The following C1QTNF3 variants were observed in gnomAD, a reference collection of about 807,000 sequenced individuals.
C1QTNF3 encodes the protein complement C1q tumor necrosis factor-related protein 3.
Under a neutral mutation model 32.6 loss-of-function variants are expected in C1QTNF3, and 26 were observed. That is an observed-to-expected ratio of 0.80 (90% CI 0.58 to 1.11). C1QTNF3 has a LOEUF of 1.11. Among genes scored for constraint, C1QTNF3 ranks in the 50% least tolerant of loss-of-function variants. The probability of loss-of-function intolerance (pLI) is 0.00; values close to 1 mark genes in which losing one functional copy is unlikely to be tolerated. For missense variants in C1QTNF3, 362 were observed against 398.2 expected (o/e 0.91, Z 0.77); for synonymous variants, 155 against 146.0 (o/e 1.06, Z -0.44).
chr5:34,125,337 C>A, the C1QTNF3 span, among the ~76,000 whole-genome samples: 2 of 151,418 alleles, frequency 1.3e-5, no homozygotes, highest in Non-Finnish European at 3.0e-5. Flanking sequence ...GAGGTACCTG[C>A]CAAAAGCAGA....
chr5:34,076,485 C>T, the C1QTNF3 span, among the ~76,000 whole-genome samples: 1 of 151,460 alleles, frequency 6.6e-6, no homozygotes, highest in Non-Finnish European at 1.5e-5. Context: ...AGATTACATA[C>T]ACATCTAGTA....
the C1QTNF3 span, among the ~76,000 whole-genome samples, chr5:34,148,044 G>A: frequency 6.6e-6 from 1 of 152,018 alleles, no homozygotes; most frequent in Non-Finnish European, 1.5e-5. Flanking sequence ...CCTCACCTGG[G>A]AAGCGCAAGG....
At chr5:34,154,355 C>T in the C1QTNF3 span, among the ~76,000 whole-genome samples, 1 of 152,036 alleles carries the variant, frequency 6.6e-6, no homozygotes, top group East Asian at 1.9e-4. Flanking sequence ...AATAGGCATT[C>T]GTCCTTTTTT....
the C1QTNF3 span, among the ~76,000 whole-genome samples, chr5:34,175,149 TCCGC>T: frequency 6.7e-6 from 1 of 150,286 alleles, no homozygotes; most frequent in Non-Finnish European, 1.5e-5. Flanking sequence ...GCTCAGGCTA[TCCGC>T]CTGCCTCAGC....
At chr5:34,067,354 T>C in the C1QTNF3 span, among the ~76,000 whole-genome samples, 1 of 152,228 alleles carries the variant, frequency 6.6e-6, no homozygotes, top group African/African-American at 2.4e-5. Context: ...TTTGCTGTAT[T>C]AATCTGTTCT....
the C1QTNF3 span, among the ~76,000 whole-genome samples, chr5:34,220,996 T>G: frequency 6.6e-6 from 1 of 152,116 alleles, no homozygotes; most frequent in African/African-American, 2.4e-5. Flanking sequence ...AGGCAAACTT[T>G]GAAGGAGCTG....
At chr5:34,132,429 GTGTATGTATATATATATATATA>G in the C1QTNF3 span, among the ~76,000 whole-genome samples, 8 of 34,370 alleles carry the variant, frequency 2.3e-4, no homozygotes, top group African/African-American at 6.7e-4. Flanking sequence ...GTATGTGTAT[GTGTATGTATATATATATATATA>G]TATATATATA....
the C1QTNF3 span, among the ~76,000 whole-genome samples, chr5:34,097,250 TG>T: frequency 6.6e-6 from 1 of 152,030 alleles, no homozygotes; most frequent in Non-Finnish European, 1.5e-5. Context: ...CATATTCACT[TG>T]ATGTTTTACT....
At chr5:34,222,846 T>C in the C1QTNF3 span, among the ~76,000 whole-genome samples, 1 of 151,956 alleles carries the variant, frequency 6.6e-6, no homozygotes, top group South Asian at 2.1e-4. Flanking sequence ...TAAATTTTTA[T>C]TTTTATTATT....
chr5:34,097,078 T>C, the C1QTNF3 span, among the ~76,000 whole-genome samples: 232 of 152,088 alleles, frequency 1.5e-3, 3 homozygotes, highest in South Asian at 0.019. Flanking sequence ...GTTTGGAAAA[T>C]TAACTTGGCA....
At chr5:34,124,453 T>C in the C1QTNF3 span, 1 of 716,676 alleles carries the variant, frequency 1.4e-6, no homozygotes, top group Non-Finnish European at 2.6e-6. Flanking sequence ...CTCTTAGTCA[T>C]GGCAGAAAGT....
At chr5:34,054,870 G>C in the C1QTNF3 span, among the ~76,000 whole-genome samples, 1 of 150,756 alleles carries the variant, frequency 6.6e-6, no homozygotes, top group African/African-American at 2.4e-5. Flanking sequence ...TTTCCTTTTT[G>C]ATTATCATCA....
the C1QTNF3 span, among the ~76,000 whole-genome samples, chr5:34,088,607 T>C: frequency 1.1e-4 from 17 of 152,230 alleles, no homozygotes; most frequent in Admixed American, 5.2e-4. Context: ...TTAAAGCTTA[T>C]GTTTAAATTT....
Position 34,033,384 on chromosome 5 carries a change from C to T in C1QTNF3, c.490G>A (p.Asp164Asn). 1 of 1,614,050 alleles carries T rather than the reference C, an allele frequency of 6.2e-7. No homozygotes were observed. The highest frequency in any genetic ancestry group is 8.5e-7 in the Non-Finnish European group (1 of 1,180,008). Residue 164 changes from aspartate (D) to asparagine (N), a missense_variant, in exon 3 of 6, where the codon GAC becomes AAC. By Grantham distance (23) the Asp-to-Asn change is conservative. Transcript: ENST00000382065. ...GAKGEKGDKG[D>N]LGPRGERGQH... ...CCCCGCTCCCCTCGAGGCCCCAGGT[C>T]ACCTTTGTCGCCCTTCTCACCTTTG...
At chr5:34,143,521 G>T in the C1QTNF3 span, among the ~76,000 whole-genome samples, 1 of 152,112 alleles carries the variant, frequency 6.6e-6, no homozygotes, top group Non-Finnish European at 1.5e-5. Context: ...CTTAAAGGCT[G>T]CCAGAAAGAA....
the C1QTNF3 span, among the ~76,000 whole-genome samples, chr5:34,197,152 C>G: frequency 4.6e-5 from 7 of 152,418 alleles, no homozygotes; most frequent in African/African-American, 1.7e-4. Context: ...AGAACAAAAA[C>G]AAAAGAAAAC....
the C1QTNF3 span, among the ~76,000 whole-genome samples, chr5:34,188,234 G>A: frequency 1.3e-5 from 2 of 152,410 alleles, no homozygotes; most frequent in African/African-American, 2.4e-5. Flanking sequence ...TGCTGTGCAC[G>A]GGAGCGGGGG....
the C1QTNF3 span, among the ~76,000 whole-genome samples, chr5:34,154,857 C>A: frequency 6.6e-6 from 1 of 152,112 alleles, no homozygotes; most frequent in Admixed American, 6.6e-5. Context: ...TGGGCATGAA[C>A]CTGAGTATCT....
chr5:34,065,389 T>C, the C1QTNF3 span, among the ~76,000 whole-genome samples: 1 of 152,194 alleles, frequency 6.6e-6, no homozygotes, highest in South Asian at 2.1e-4. Context: ...AAACAGGCCA[T>C]GCATGGTGGC....
Sources: allele counts gnomAD v4.1 joint callset (sites outside exome capture counted in the v4.1 genomes callset), GRCh38; gene constraint gnomAD v4.1.1; transcripts MANE v1.5; gene names NCBI Gene and HGNC (gene_info 2026-07-23, HGNC 2026-07-21).